PFKFB3: variants seen among roughly 807,000 people sequenced by gnomAD.
The protein encoded by PFKFB3 is 6-phosphofructo-2-kinase/fructose-2,6-biphosphatase 3.
PFKFB3 carries 33 observed loss-of-function variants against 68.0 expected under a neutral mutation model. The ratio of observed to expected loss-of-function variants is 0.49; its 90% CI spans 0.37 to 0.65. PFKFB3 has a LOEUF of 0.65. Among genes scored for constraint, PFKFB3 ranks in the 30% least tolerant of loss-of-function variants. The pLI, the probability that PFKFB3 is intolerant of heterozygous loss-of-function variation, is 0.00. For synonymous variants in PFKFB3, 315 were observed against 288.2 expected (o/e 1.09, Z -0.94); for missense variants, 586 against 712.2 (o/e 0.82, Z 2.02).
intron 14 of PFKFB3, among the ~76,000 whole-genome samples, chr10:6,230,931 G>A (rs540276435): frequency 2.6e-4 from 39 of 152,190 alleles, no homozygotes; most frequent in Admixed American, 2.0e-3. Flanking sequence ...GGCCAGGCTC[G>A]TCTCAAACTC....
intron 1 of PFKFB3, among the ~76,000 whole-genome samples, chr10:6,205,427 C>T (rs568315429): frequency 2.3e-5 from 3 of 129,574 alleles, no homozygotes; most frequent in African/African-American, 8.7e-5. Context: ...GCGTTTCACT[C>T]TGTCACCGAG....
the PFKFB3 span, among the ~76,000 whole-genome samples, chr10:6,264,451 T>C: frequency 5.3e-5 from 8 of 152,234 alleles, no homozygotes; most frequent in African/African-American, 1.9e-4. Flanking sequence ...CTTTACAATA[T>C]TGACTTTTTC....
intron 1 of PFKFB3, among the ~76,000 whole-genome samples, chr10:6,159,819 G>T (rs893753150): frequency 6.6e-6 from 1 of 151,984 alleles, no homozygotes; most frequent in Non-Finnish European, 1.5e-5. Context: ...ACCTAGGCTG[G>T]AGTGCAGTGA....
intron 1 of PFKFB3, among the ~76,000 whole-genome samples, chr10:6,162,567 T>C (rs1842000488): frequency 6.6e-6 from 1 of 152,250 alleles, no homozygotes; most frequent in Non-Finnish European, 1.5e-5. Context: ...TCCTCCCTTT[T>C]ACTAGCTTTA....
In PFKFB3 at chr10:6,221,506, GGCGCTCAATGAGATC is replaced by G; in HGVS notation, c.959_973del (p.Ala320_Ile324del). The stretch of plus-strand genomic sequence containing the variant: ...TGCGGCTGCCCTACGAGCAGTGGAA[GGCGCTCAATGAGATC>G]GACGCGGTGAGTCCTGGGAGGCGGG... On this transcript the variant is annotated inframe_deletion, in exon 9 of 15. Transcript: ENST00000379775. The G allele has an allele frequency of 6.2e-7, 1 of 1,613,356 alleles. No homozygotes were observed. The highest frequency in any genetic ancestry group is 8.5e-7 in the Non-Finnish European group (1 of 1,179,998).
intron 6 of PFKFB3, 150 bp downstream of exon 6, chr10:6,217,341 GACCTACAGAGCGGTTTTTA>G (rs1844652194): frequency 1.4e-6 from 1 of 733,714 alleles, no homozygotes; most frequent in Non-Finnish European, 2.4e-6. Flanking sequence ...TGGGAGGTCA[GACCTACAGAGCGGTTTTTA>G]ACCCAGAGGC....
At chr10:6,221,563 C>A in intron 9 of PFKFB3, 36 bp downstream of exon 9, 2 of 1,612,030 alleles carry the variant, frequency 1.2e-6, no homozygotes, top group Non-Finnish European at 1.7e-6. Flanking sequence ...GCCTCACCCT[C>A]GGGCATGGGG....
intron 14 of PFKFB3, among the ~76,000 whole-genome samples, chr10:6,250,814 A>G (rs1354024114): frequency 1.3e-5 from 2 of 152,196 alleles, no homozygotes; most frequent in Non-Finnish European, 2.9e-5. Context: ...TTAATAAATG[A>G]CCCAGTCCCA....
At chr10:6,231,829 T>TCATCACCTCCCGGTGGGCACC (rs1845766113) in intron 14 of PFKFB3, among the ~76,000 whole-genome samples, 1 of 146,286 alleles carries the variant, frequency 6.8e-6, no homozygotes, top group African/African-American at 2.6e-5. Flanking sequence ...TGGTGGGCAC[T>TCATCACCTCCCGGTGGGCACC]CATCACCTCC....
chr10:6,222,077 G>A (rs1025574286), intron 10 of PFKFB3, among the ~76,000 whole-genome samples: 1 of 152,130 alleles, frequency 6.6e-6, no homozygotes, highest in Admixed American at 6.5e-5. Context: ...GTGCTTCCCC[G>A]TGCACGGTGC....
At chr10:6,231,961 A>G (rs1462407439) in intron 14 of PFKFB3, among the ~76,000 whole-genome samples, 1 of 152,050 alleles carries the variant, frequency 6.6e-6, no homozygotes, top group African/African-American at 2.4e-5. Context: ...GATAGCTCTG[A>G]TGCTGCCCAG....
At chr10:6,176,045 A>C (rs1011052770) in intron 1 of PFKFB3, among the ~76,000 whole-genome samples, 8 of 152,248 alleles carry the variant, frequency 5.3e-5, no homozygotes, top group African/African-American at 1.7e-4. Flanking sequence ...AACGGGTGAG[A>C]GCCCCCAAAC....
At chr10:6,151,793 T>TA (rs977282656) in intron 1 of PFKFB3, among the ~76,000 whole-genome samples, 8 of 152,002 alleles carry the variant, frequency 5.3e-5, no homozygotes, top group Non-Finnish European at 1.0e-4. Flanking sequence ...AGGCATGGGG[T>TA]AGACCTGTTT....
At chr10:6,289,046 G>A in the PFKFB3 span, among the ~76,000 whole-genome samples, 7 of 150,800 alleles carry the variant, frequency 4.6e-5, no homozygotes, top group African/African-American at 1.7e-4. Context: ...CTTTTTGATG[G>A]GGTTGTTTGT....
rs1237671752 is a variant in PFKFB3, at chr10:6,177,410, TCTTTCTCTTTC to T, written c.16+32398_16+32408del. Among the ~76,000 whole-genome samples the T allele has an allele frequency of 1.1e-3, 130 of 122,998 alleles. 2 individuals carry two copies. In the East Asian group the frequency reaches 0.015, roughly 15 times the overall value. 80.7% of individuals were successfully genotyped at this position (122,998 alleles called of 152,430 possible). On this transcript the variant is annotated intron_variant, in intron 1 of 14. Transcript: ENST00000379789. The stretch of plus-strand genomic sequence containing the variant: ...TTTCTTTCTTTCTTTCTTTCTTTCT[TCTTTCTCTTTC>T]TTCCTTTCTTTTCTTTCTCTTTCTT...
At chr10:6,222,251 T>C (rs1845020026) in intron 10 of PFKFB3, among the ~76,000 whole-genome samples, 1 of 152,228 alleles carries the variant, frequency 6.6e-6, no homozygotes, top group South Asian at 2.1e-4. Context: ...ACCGGGGCCC[T>C]GGTTAGCACA....
intron 1 of PFKFB3, among the ~76,000 whole-genome samples, chr10:6,147,541 G>T (rs952916129): frequency 1.3e-5 from 2 of 152,202 alleles, no homozygotes; most frequent in African/African-American, 4.8e-5. Flanking sequence ...TAGGAAAACC[G>T]TAAGGGATAG....
At chr10:6,176,920 G>A (rs602395) in intron 1 of PFKFB3, among the ~76,000 whole-genome samples, 28,189 of 152,110 alleles carry the variant, frequency 0.19, 3,085 homozygotes, top group Non-Finnish European at 0.25. Context: ...ATGCTACCTG[G>A]TGGGACTCAC....
downstream of PFKFB3, among the ~76,000 whole-genome samples, chr10:6,259,153 CCCAT>C (rs1362675628): frequency 6.7e-6 from 1 of 149,316 alleles, no homozygotes; most frequent in Non-Finnish European, 1.5e-5. Context: ...CATCCACCCA[CCCAT>C]CCATTTATTC....
Sources: gnomAD v4.1 joint callset for allele counts (sites outside exome capture counted in the v4.1 genomes callset) on GRCh38, gnomAD v4.1.1 for gene constraint, MANE v1.5 for transcripts, NCBI Gene and HGNC (gene_info 2026-07-23, HGNC 2026-07-21) for gene names.